Variants in RBFOX3 observed in about 807,000 individuals in gnomAD.
The protein encoded by RBFOX3 is RNA binding fox-1 homolog 3.
In RBFOX3, 17 loss-of-function variants were observed where a neutral mutation model predicts 48.7. That is an observed-to-expected ratio of 0.35 (90% CI 0.24 to 0.52). The LOEUF is 0.52. RBFOX3 is among the 20% of genes least tolerant of loss of function. RBFOX3 has a pLI of 0.94. For synonymous variants in RBFOX3, 212 were observed against 209.5 expected, an observed-to-expected ratio of 1.01 and a Z score of -0.10; for missense variants, 382 against 497.5, an observed-to-expected ratio of 0.77 and a Z score of 2.21.
chr17:79,181,732 G>A (rs1487570177), intron 4 of RBFOX3, among the ~76,000 whole-genome samples: 1 of 152,180 alleles, frequency 6.6e-6, no homozygotes. Context: ...GTCCCTCTGC[G>A]GCTGCTACGT....
At chr17:79,288,483 C>CA (rs984991697) in intron 3 of RBFOX3, among the ~76,000 whole-genome samples, 7 of 152,100 alleles carry the variant, frequency 4.6e-5, no homozygotes, top group Non-Finnish European at 7.4e-5. Context: ...TGCAGCCCCC[C>CA]CCAGCCCGGC....
At chr17:79,555,679 ATGATGGTGG>A (rs1445830987) in intron 1 of RBFOX3, among the ~76,000 whole-genome samples, 2,017 of 16,006 alleles carry the variant, frequency 0.13, 34 homozygotes, top group African/African-American at 0.22. Context: ...GATGATAGTC[ATGATGGTGG>A]TGATGGTGGT....
intron 1 of RBFOX3, chr17:79,600,322 T>C (rs2093676649): frequency 6.6e-6 from 1 of 152,176 alleles, no homozygotes. Flanking sequence ...AGGATGCACA[T>C]GCATGCCTGT....
rs117875310 is a variant in RBFOX3, at chr17:79,438,703, C to T, written c.-175+43751G>A. On this transcript the variant is annotated intron_variant, in intron 2 of 14. Transcript: ENST00000693108. The stretch of plus-strand genomic sequence containing the variant: ...AGCAGGGGCCGTGCCTACAATCGGA[C>T]TAGGTCAGGCCTCATCAGTTCCCGA... Among the ~76,000 whole-genome samples the T allele has an allele frequency of 8.9e-3, 1,363 of 152,328 alleles. 9 individuals are homozygous for T. The highest frequency in any genetic ancestry group is 0.02 in the Middle Eastern group (6 of 294).
intron 4 of RBFOX3, among the ~76,000 whole-genome samples, chr17:79,208,034 TG>T (rs759678731): frequency 1.6e-4 from 24 of 152,148 alleles, no homozygotes; most frequent in Non-Finnish European, 2.8e-4. Flanking sequence ...GGCCAGCTCT[TG>T]GTGTCTCCCT....
chr17:79,112,549 T>A (rs1430129439), intron 5 of RBFOX3, among the ~76,000 whole-genome samples: 1 of 152,060 alleles, frequency 6.6e-6, no homozygotes, highest in Non-Finnish European at 1.5e-5. Flanking sequence ...GGCATGGGGA[T>A]GGGCTGCAGG....
chr17:79,600,797 G>A (rs1394673327), intron 1 of RBFOX3: 4 of 152,184 alleles, frequency 2.6e-5, no homozygotes, highest in Admixed American at 6.5e-5. Flanking sequence ...AACCATGCAC[G>A]GCTTTAATTG....
chr17:79,092,500 G>C (rs1413338854), intron 14 of RBFOX3: 2 of 986,020 alleles, frequency 2.0e-6, no homozygotes, highest in Non-Finnish European at 2.4e-6. Flanking sequence ...ACCGGGAGGG[G>C]TGCACTGTCT....
At chr17:79,294,229 A>G (rs937353808) in intron 3 of RBFOX3, among the ~76,000 whole-genome samples, 2 of 152,194 alleles carry the variant, frequency 1.3e-5, no homozygotes, top group Non-Finnish European at 2.9e-5. Context: ...TGGACTGGAG[A>G]GCAAGTTCGT....
rs369570286 is a variant in RBFOX3, at chr17:79,471,814, G to A, written c.-175+10640C>T. On this transcript the variant is annotated intron_variant, in intron 2 of 14. Coordinates refer to ENST00000693108, the MANE Select transcript of RBFOX3 (RefSeq NM_001350451.2). The surrounding 1 kb of genome is among the most constrained non-coding windows in gnomAD (Gnocchi z 4.0). ...GCATCACTCCTGCATCACACCTAGC[G>A]CCCCGTGTGTGACCCGGGATCCCAC... Among the ~76,000 whole-genome samples the A allele has an allele frequency of 7.0e-4, 107 of 152,264 alleles. No homozygotes were observed. The highest frequency in any genetic ancestry group is 2.5e-3 in the African/African-American group (104 of 41,558).
intron 1 of RBFOX3, among the ~76,000 whole-genome samples, chr17:79,539,512 T>TAA (rs2089360720): frequency 6.6e-6 from 1 of 152,218 alleles, no homozygotes; most frequent in Non-Finnish European, 1.5e-5. Flanking sequence ...ATAAGTCTAC[T>TAA]GTTGGGGTTT....
At chr17:79,458,740 C>G (rs782161354) in intron 2 of RBFOX3, among the ~76,000 whole-genome samples, 2 of 152,094 alleles carry the variant, frequency 1.3e-5, no homozygotes, top group Non-Finnish European at 2.9e-5. Flanking sequence ...TCCTGGTGTC[C>G]GGGGACTCTG....
chr17:79,356,371 T>TTTTTTTGTTTTTG (rs1555684845), intron 2 of RBFOX3, among the ~76,000 whole-genome samples: 1 of 116,208 alleles, frequency 8.6e-6, no homozygotes, highest in African/African-American at 3.4e-5. Flanking sequence ...TTTTTTTTTT[T>TTTTTTTGTTTTTG]TTTTTTTTTT....
intron 4 of RBFOX3, among the ~76,000 whole-genome samples, chr17:79,117,653 T>C (rs994639090): frequency 7.9e-5 from 12 of 152,136 alleles, no homozygotes; most frequent in Non-Finnish European, 1.6e-4. Context: ...ATCTGGCATG[T>C]CCACCTCTGT....
At chr17:79,327,060 C>A (rs891811345) in intron 2 of RBFOX3, among the ~76,000 whole-genome samples, 6 of 152,240 alleles carry the variant, frequency 3.9e-5, no homozygotes, top group African/African-American at 1.4e-4. Context: ...TCACTCTCTG[C>A]TTCCCAGCAG....
At chr17:79,398,968 C>T (rs2062416103) in intron 2 of RBFOX3, among the ~76,000 whole-genome samples, 3 of 152,194 alleles carry the variant, frequency 2.0e-5, no homozygotes, top group Non-Finnish European at 4.4e-5. Flanking sequence ...AGCCCTAACC[C>T]ACCATGACTG....
intron 2 of RBFOX3, among the ~76,000 whole-genome samples, chr17:79,360,257 C>A (rs1193625619): frequency 6.6e-6 from 1 of 152,142 alleles, no homozygotes. Flanking sequence ...AAGCAACCAA[C>A]AAAAGCAAAG....
chr17:79,640,617 C>T, the RBFOX3 span, among the ~76,000 whole-genome samples: 2,019 of 152,070 alleles, frequency 0.013, 21 homozygotes, highest in Middle Eastern at 0.027. Context: ...ATAGACCAAT[C>T]GAACAAAATA....
At chr17:79,223,305 C>T (rs1264785016) in intron 4 of RBFOX3, among the ~76,000 whole-genome samples, 1 of 152,102 alleles carries the variant, frequency 6.6e-6, no homozygotes, top group Non-Finnish European at 1.5e-5. Context: ...GCCCTGATAC[C>T]CCTGCACACG....
Sources: gnomAD v4.1 joint callset for allele counts (sites outside exome capture counted in the v4.1 genomes callset) on GRCh38, gnomAD v4.1.1 for gene constraint, Gnocchi (gnomAD v3.1) non-coding constraint, MANE v1.5 for transcripts, NCBI Gene and HGNC (gene_info 2026-07-23, HGNC 2026-07-21) for gene names.